Variants in SGCD observed in about 807,000 individuals in gnomAD.
The protein encoded by SGCD is sarcoglycan delta, also known as delta-sarcoglycan.
In SGCD, 18 loss-of-function variants were observed where a neutral mutation model predicts 36.6. The ratio of observed to expected loss-of-function variants is 0.49; its 90% CI spans 0.34 to 0.73. The LOEUF (loss-of-function observed/expected upper bound fraction) is 0.73. SGCD is among the 30% of genes least tolerant of loss of function. The probability of loss-of-function intolerance (pLI) is 0.01; values close to 1 mark genes in which losing one functional copy is unlikely to be tolerated. For missense variants in SGCD, 387 were observed against 346.7 expected (o/e 1.12, Z -0.92); for synonymous variants, 133 against 130.6 (o/e 1.02, Z -0.12).
chr5:155,911,653 A>G (rs1168763658), intron 1 of SGCD, among the ~76,000 whole-genome samples: 3 of 151,874 alleles, frequency 2.0e-5, no homozygotes, highest in African/African-American at 4.8e-5. Flanking sequence ...CTTCTTTTGA[A>G]TTCATTTGTT....
At chr5:155,876,430 G>A (rs116297056) in intron 1 of SGCD, among the ~76,000 whole-genome samples, 1,863 of 152,050 alleles carry the variant, frequency 0.012, 49 homozygotes, top group African/African-American at 0.043. Flanking sequence ...AGCACCACAT[G>A]AATGGAAGTG....
rs1049537938 is a variant in SGCD, at chr5:155,925,848, C to T, written c.-282+55424C>T. 3.3e-5 allele frequency among the ~76,000 whole-genome samples: 5 copies of T among 152,086 alleles called. No individual in the cohort carries two copies. In the East Asian group the frequency reaches 7.7e-4, roughly 23 times the overall value. ...CCCAGGCTGGTCTCGAACTCCTGGC[C>T]TCAAGTGACCCACACAGCTCAGCCT... On this transcript the variant is annotated intron_variant, in intron 1 of 9. Coordinates refer to the SGCD transcript ENST00000517913.
At chr5:156,593,113 G>C (rs1451942136) in intron 5 of SGCD, among the ~76,000 whole-genome samples, 1 of 152,148 alleles carries the variant, frequency 6.6e-6, no homozygotes, top group Non-Finnish European at 1.5e-5. Context: ...ACAGTAGGCA[G>C]TGATAGTCCA....
chr5:155,854,112 G>T, the SGCD span, among the ~76,000 whole-genome samples: 1 of 152,008 alleles, frequency 6.6e-6, no homozygotes. Flanking sequence ...GACCCTAGAG[G>T]TTTATGGCAT....
chr5:156,616,105 C>T (rs934053500), intron 6 of SGCD, among the ~76,000 whole-genome samples: 1 of 150,590 alleles, frequency 6.6e-6, no homozygotes, highest in African/African-American at 2.5e-5. Context: ...AAAACTTAGT[C>T]TCTCTCTCTT....
At chr5:156,178,479 A>T (rs1232993874) in intron 3 of SGCD, among the ~76,000 whole-genome samples, 5 of 152,238 alleles carry the variant, frequency 3.3e-5, no homozygotes, top group Non-Finnish European at 7.3e-5. Flanking sequence ...AATTAGAGTT[A>T]TGAGTCTTTA....
intron 1 of SGCD, among the ~76,000 whole-genome samples, chr5:156,071,325 G>A (rs1238572330): frequency 2.0e-5 from 3 of 152,292 alleles, no homozygotes; most frequent in Admixed American, 2.0e-4. Context: ...ATTCTGGTAT[G>A]TTGTATCTTT....
the SGCD span, among the ~76,000 whole-genome samples, chr5:155,836,477 C>CCT: frequency 2.8e-5 from 1 of 35,302 alleles, no homozygotes; most frequent in African/African-American, 1.7e-4. Flanking sequence ...CCCACCCCCG[C>CCT]CCCGCACTCA....
At chr5:156,409,217 C>A (rs1246101462) in intron 3 of SGCD, among the ~76,000 whole-genome samples, 1 of 152,168 alleles carries the variant, frequency 6.6e-6, no homozygotes, top group Admixed American at 6.5e-5. Flanking sequence ...CACTCCTTAA[C>A]CTGCTACAAA....
chr5:155,856,475 G>A, the SGCD span, among the ~76,000 whole-genome samples: 1 of 152,116 alleles, frequency 6.6e-6, no homozygotes, highest in Non-Finnish European at 1.5e-5. Context: ...TAACCTCTAA[G>A]TACATGCTGC....
chr5:156,633,120 T>C (rs1169016057), intron 6 of SGCD, among the ~76,000 whole-genome samples: 1 of 152,220 alleles, frequency 6.6e-6, no homozygotes, highest in Non-Finnish European at 1.5e-5. Context: ...CTCTTGCACA[T>C]CTTTCAACAT....
intron 1 of SGCD, among the ~76,000 whole-genome samples, chr5:155,919,024 G>A (rs1187217634): frequency 6.6e-6 from 1 of 152,226 alleles, no homozygotes; most frequent in African/African-American, 2.4e-5. Flanking sequence ...GTGGCTTCCT[G>A]CCTCTTGCTT....
At chr5:155,895,201 A>G (rs1038622680) in intron 1 of SGCD, among the ~76,000 whole-genome samples, 1 of 152,246 alleles carries the variant, frequency 6.6e-6, no homozygotes, top group East Asian at 1.9e-4. Context: ...ACATGTCCAC[A>G]TGAAATCGTA....
chr5:156,589,354 T>C, intron 5 of SGCD, 36 bp downstream of exon 5: 1 of 1,160,566 alleles, frequency 8.6e-7, no homozygotes, highest in Non-Finnish European at 1.3e-6. Context: ...GCCTAGCCCA[T>C]GCGAGGCACT....
intron 3 of SGCD, among the ~76,000 whole-genome samples, chr5:156,249,258 C>G (rs1765515200): frequency 6.6e-6 from 1 of 151,686 alleles, no homozygotes; most frequent in African/African-American, 2.4e-5. Flanking sequence ...GCAGGACAGG[C>G]CACAAAAATA....
the SGCD span, among the ~76,000 whole-genome samples, chr5:155,791,315 G>A: frequency 6.6e-6 from 1 of 152,100 alleles, no homozygotes; most frequent in Non-Finnish European, 1.5e-5. Flanking sequence ...AATACAGCCT[G>A]TCAGAAGCTA....
chr5:156,313,954 T>C (rs1218560190), intron 3 of SGCD, among the ~76,000 whole-genome samples: 1 of 152,046 alleles, frequency 6.6e-6, no homozygotes, highest in Admixed American at 6.6e-5. Context: ...TATTTGGGTA[T>C]CTTTTCTATT....
At position 156,752,588 on chromosome 5, in the gene SGCD, A is replaced by G. The variant is rs941713192; in HGVS notation, c.576-4993A>G. ...TTTTCCATTTAGTAGAGACGGGGTT[A>G]TCACCATGTTGGCCAGGCTGGTCTC... is the stretch of plus-strand genomic sequence containing the variant. On this transcript the variant is annotated intron_variant, in intron 7 of 8. Coordinates refer to ENST00000337851, the MANE Select transcript of SGCD (RefSeq NM_000337.6). Among the ~76,000 whole-genome samples the G allele has an allele frequency of 1.6e-4, 24 of 152,060 alleles. 1 individual carries two copies. The highest frequency in any genetic ancestry group is 6.5e-5 in the Admixed American group (1 of 15,276).
chr5:156,312,251 T>C (rs1273155829), intron 3 of SGCD, among the ~76,000 whole-genome samples: 2 of 152,198 alleles, frequency 1.3e-5, no homozygotes, highest in Non-Finnish European at 2.9e-5. Context: ...AAAACATTTA[T>C]TTATTGAGTG....
Sources: gnomAD v4.1 joint callset for allele counts (sites outside exome capture counted in the v4.1 genomes callset) on GRCh38, gnomAD v4.1.1 for gene constraint, MANE v1.5 for transcripts, NCBI Gene and HGNC (gene_info 2026-07-23, HGNC 2026-07-21) for gene names.